STX11: variants seen among roughly 807,000 people sequenced by gnomAD.
STX11 encodes the protein syntaxin-11.
Under a neutral mutation model 19.9 loss-of-function variants are expected in STX11, and 21 were observed. The observed-to-expected ratio is 1.06, with a 90% CI of 0.75 to 1.52. STX11 has a LOEUF of 1.52. Among genes scored for constraint, STX11 ranks in the 40% most tolerant of loss-of-function variants. The probability of loss-of-function intolerance (pLI) is 0.00; values close to 1 mark genes in which losing one functional copy is unlikely to be tolerated. For synonymous variants in STX11, 193 were observed against 174.4 expected, an observed-to-expected ratio of 1.11 and a Z score of -0.84; for missense variants, 438 against 405.9, an observed-to-expected ratio of 1.08 and a Z score of -0.68.
At position 144,183,175 on chromosome 6, in the gene STX11, C is replaced by T. The variant is rs1484834317; in HGVS notation, c.-5-3448C>T. ...TTAAACCATGTATAATTCCACAACT[C>T]AAAGAAAACTATAATTAACACTTTG... On this transcript the variant is annotated intron_variant, in intron 1 of 1. Transcript: ENST00000367568. This position sits in a 1 kb window ranked among gnomAD's most constrained non-coding sequence, Gnocchi z 4.6. Among the ~76,000 whole-genome samples, 2 of 152,170 alleles carry T rather than the reference C, an allele frequency of 1.3e-5. No homozygotes were observed. The highest frequency in any genetic ancestry group is 4.8e-5 in the African/African-American group (2 of 41,442).
chr6:144,187,363 G>C lies in STX11; in HGVS notation c.736G>C (p.Glu246Gln), dbSNP rs1469614986. 1.9e-6 allele frequency: 3 copies of C among 1,610,380 alleles called. No individual in the cohort carries two copies. Among genetic ancestry groups the C allele is most frequent in the Non-Finnish European group, 2.5e-6 (3 of 1,179,960 alleles). Reference sequence around the variant, plus strand: ...GCAGGCCGACACCCTGAACGTCATCGAGCTCAACGTACAAAAGACGGTCGA... The same window carrying C: ...GCAGGCCGACACCCTGAACGTCATCCAGCTCAACGTACAAAAGACGGTCGA... ...EKQADTLNVI[E>Q]LNVQKTVDYT... Residue 246 changes from glutamate to glutamine, a missense_variant, in exon 2 of 2, where the codon GAG becomes CAG. By Grantham distance (29) the Glu-to-Gln change is conservative (BLOSUM62 2). Coordinates refer to ENST00000367568, the MANE Select transcript of STX11 (RefSeq NM_003764.4). This position sits in a 1 kb window ranked among gnomAD's most constrained non-coding sequence, Gnocchi z 5.6.
At position 144,186,638 on chromosome 6, in the gene STX11, G is replaced by T. The variant is rs375610231; in HGVS notation, c.11G>T (p.Arg4Leu). Residue 4 changes from arginine (R) to leucine (L), a missense_variant, in exon 2 of 2, where the codon CGG (arginine) becomes CTG (leucine). Transcript: ENST00000367568. MKDRLAELLDLSKQ... is the reference protein window; with the variant it reads MKDLLAELLDLSKQ... ...CTACTTGCAGGCAAAATGAAAGACC[G>T]GCTAGCAGAACTTCTGGACTTGTCC... 272 of 1,613,970 alleles carry T rather than the reference G, an allele frequency of 1.7e-4. No individual in the cohort carries two copies. The highest frequency in any genetic ancestry group is 2.2e-4 in the Non-Finnish European group (260 of 1,180,046).
At chr6:144,168,741 C>T (rs1242390249) in intron 1 of STX11, among the ~76,000 whole-genome samples, 1 of 152,222 alleles carries the variant, frequency 6.6e-6, no homozygotes, top group East Asian at 1.9e-4. Context: ...TGGCATCCCT[C>T]ATGCTAAACT....
chr6:144,166,491 TCTTC>T (rs1232526745), intron 1 of STX11, among the ~76,000 whole-genome samples: 2 of 151,770 alleles, frequency 1.3e-5, no homozygotes, highest in Non-Finnish European at 2.9e-5. Flanking sequence ...TTTCCCTCAG[TCTTC>T]CTTTCTTTCT....
chr6:144,157,863 C>T (rs1339538094), intron 1 of STX11, among the ~76,000 whole-genome samples: 1 of 152,018 alleles, frequency 6.6e-6, no homozygotes. Context: ...TAGGGTTCCC[C>T]CCGCTCTCTC....
At chr6:144,148,581 CTAAT>C (rs1424032003), upstream of STX11, among the ~76,000 whole-genome samples, 1 of 152,178 alleles carries the variant, frequency 6.6e-6, no homozygotes, top group Non-Finnish European at 1.5e-5. Context: ...TTCCTCACAA[CTAAT>C]TAATCAACCT....
At position 144,187,030 on chromosome 6, in the gene STX11, C is replaced by A; in HGVS notation, c.403C>A (p.Leu135Ile). Residue 135 changes from leucine (L) to isoleucine (I), a missense_variant, in exon 2 of 2, where the codon CTC becomes ATC. Physicochemically the swap from Leu to Ile is conservative, Grantham distance 5 (BLOSUM62 2). Coordinates refer to ENST00000367568, the MANE Select transcript of STX11 (RefSeq NM_003764.4). This position sits in a 1 kb window ranked among gnomAD's most constrained non-coding sequence, Gnocchi z 5.6. ...ARISRAQYNA[L>I]TLTFQRAMHD... ...CATTTCGCGGGCGCAGTACAACGCG[C>A]TCACCCTCACCTTCCAGCGCGCCAT... 1 of 1,612,428 alleles carries A rather than the reference C, an allele frequency of 6.2e-7. No individual in the cohort carries two copies. Among genetic ancestry groups the A allele is most frequent in the Non-Finnish European group, 8.5e-7 (1 of 1,179,920 alleles).
intron 1 of STX11, among the ~76,000 whole-genome samples, chr6:144,173,049 C>T (rs965628269): frequency 2.6e-5 from 4 of 152,190 alleles, no homozygotes; most frequent in African/African-American, 9.6e-5. Context: ...TTATATTCCT[C>T]CACTGCTCTT....
intron 1 of STX11, among the ~76,000 whole-genome samples, chr6:144,171,486 T>C (rs1562663294): frequency 6.6e-6 from 1 of 152,188 alleles, no homozygotes; most frequent in Non-Finnish European, 1.5e-5. Context: ...AGCTGAATGA[T>C]AGACTTGTGA....
At position 144,172,489 on chromosome 6, in the gene STX11, C is replaced by G. The variant is rs529198762; in HGVS notation, c.-5-14134C>G. 6.6e-6 allele frequency among the ~76,000 whole-genome samples: 1 copy of G among 152,286 alleles called. No individual in the cohort carries two copies. Among genetic ancestry groups the G allele is most frequent in the South Asian group, 2.1e-4 (1 of 4,818 alleles). ...TTTCCTCCCATCCTCTTGGTCAAAG[C>G]AAGTCTCATGGCCAAGGGTAGAGAA... On this transcript the variant is annotated intron_variant, in intron 1 of 1. Transcript: ENST00000367568. This position sits in a 1 kb window ranked among gnomAD's most constrained non-coding sequence, Gnocchi z 4.2.
chr6:144,145,717 A>G (rs1186365618), upstream of STX11, among the ~76,000 whole-genome samples: 1 of 152,222 alleles, frequency 6.6e-6, no homozygotes, highest in Admixed American at 6.5e-5. Flanking sequence ...ATAGAAGTAG[A>G]AGTAGAACTG....
intron 1 of STX11, among the ~76,000 whole-genome samples, chr6:144,173,615 T>A (rs972928048): frequency 1.3e-5 from 2 of 152,224 alleles, no homozygotes; most frequent in African/African-American, 4.8e-5. Context: ...TATGTAGTTA[T>A]AGACACACTC....
upstream of STX11, among the ~76,000 whole-genome samples, chr6:144,146,332 C>G (rs1306954193): frequency 6.6e-6 from 1 of 152,190 alleles, no homozygotes; most frequent in Non-Finnish European, 1.5e-5. This position sits in a 1 kb window ranked among gnomAD's most constrained non-coding sequence, Gnocchi z 4.4. Flanking sequence ...AAACTCCAGA[C>G]TGGAAGGGAG....
chr6:144,169,202 C>T lies in STX11; in HGVS notation c.-5-17421C>T, dbSNP rs1801562116. On this transcript the variant is annotated intron_variant, in intron 1 of 1. Coordinates refer to ENST00000367568, the MANE Select transcript of STX11 (RefSeq NM_003764.4). This position sits in a 1 kb window ranked among gnomAD's most constrained non-coding sequence, Gnocchi z 5.2. ...GCACATCCCTGCACAGTTGTTCTGT[C>T]CTTGGCATCCTTAATTCCTGTAGAG... 6.6e-6 allele frequency among the ~76,000 whole-genome samples: 1 copy of T among 152,198 alleles called. No homozygotes were observed. The highest frequency in any genetic ancestry group is 6.5e-5 in the Admixed American group (1 of 15,286).
At chr6:144,168,912 G>T (rs1412910892) in intron 1 of STX11, among the ~76,000 whole-genome samples, 2 of 152,214 alleles carry the variant, frequency 1.3e-5, no homozygotes, top group African/African-American at 4.8e-5. Flanking sequence ...CATTATTTTT[G>T]ATGAGAATTT....
At chr6:144,163,332 G>A (rs937797778) in intron 1 of STX11, among the ~76,000 whole-genome samples, 2 of 152,120 alleles carry the variant, frequency 1.3e-5, no homozygotes, top group African/African-American at 4.8e-5. Flanking sequence ...CAGCACTTTG[G>A]GAGGCCAAGG....
Position 144,187,569 on chromosome 6 carries a change from G to T in STX11, c.*78G>T. On this transcript the variant is annotated 3_prime_UTR_variant, in exon 2 of 2. Coordinates refer to ENST00000367568, the MANE Select transcript of STX11 (RefSeq NM_003764.4). The surrounding 1 kb of genome is among the most constrained non-coding windows in gnomAD (Gnocchi z 5.6). ...AGGACGCACCAAAGCCGGGAGCTCT[G>T]CCCTGCAGGGAGTTGCCCCAACCCT... 7 of 1,589,708 alleles carry T rather than the reference G, an allele frequency of 4.4e-6. No homozygotes were observed. Among genetic ancestry groups the T allele is most frequent in the Non-Finnish European group, 6.0e-6 (7 of 1,166,458 alleles).
rs149573613 is a variant in STX11 at position 144,187,725 on chromosome 6, A to G, written c.*234A>G. On this transcript the variant is annotated 3_prime_UTR_variant, in exon 2 of 2. Transcript: ENST00000367568. This position sits in a 1 kb window ranked among gnomAD's most constrained non-coding sequence, Gnocchi z 5.6. ...AGATAGATTCCCACAAAGTTGTGCA[A>G]TGTCATTATATGACACCTTGCACTC... 3.1e-4 allele frequency: 192 copies of G among 624,702 alleles called. 2 individuals are homozygous for G. The East Asian group carries it at 4.0e-3, about 13-fold the overall frequency. The allele number at this position is 624,702 out of a possible 1,614,324, so 38.7% of individuals were successfully genotyped here. A position where few individuals can be genotyped will look rare whatever the true frequency, so the allele number is the denominator to read the frequency against.
At position 144,177,711 on chromosome 6, in the gene STX11, C is replaced by G. The variant is rs868215468; in HGVS notation, c.-5-8912C>G. Among the ~76,000 whole-genome samples, 11 of 152,184 alleles carry G rather than the reference C, an allele frequency of 7.2e-5. No homozygotes were observed. Among genetic ancestry groups the G allele is most frequent in the Non-Finnish European group, 1.5e-4 (10 of 68,034 alleles). On this transcript the variant is annotated intron_variant, in intron 1 of 1. Transcript: ENST00000367568. This position sits in a 1 kb window ranked among gnomAD's most constrained non-coding sequence, Gnocchi z 4.4. ...GTTGCGGTGAGCCAAGATTGCACCA[C>G]TGCACTCCAGCCTGGGTGACAGAGG...
Sources: gnomAD v4.1 joint callset for allele counts (sites outside exome capture counted in the v4.1 genomes callset) on GRCh38, gnomAD v4.1.1 for gene constraint, Gnocchi (gnomAD v3.1) non-coding constraint, MANE v1.5 for transcripts, NCBI Gene and HGNC (gene_info 2026-07-23, HGNC 2026-07-21) for gene names.